Variants in SYT12 observed in about 807,000 individuals in gnomAD.
The protein encoded by SYT12 is synaptotagmin 12, also known as synaptotagmin-12.
In SYT12, 27 loss-of-function variants were observed where a neutral mutation model predicts 39.5. That is an observed-to-expected ratio of 0.68 (90% CI 0.50 to 0.94). SYT12 has a LOEUF of 0.94. Among genes scored for constraint, SYT12 ranks in the 40% least tolerant of loss-of-function variants. SYT12 has a pLI of 0.00. For synonymous variants in SYT12, 233 were observed against 239.7 expected, an observed-to-expected ratio of 0.97 and a Z score of 0.26; for missense variants, 536 against 572.6, an observed-to-expected ratio of 0.94 and a Z score of 0.65.
intron 3 of SYT12, among the ~76,000 whole-genome samples, chr11:67,011,601 T>G (rs1238182965): frequency 6.6e-6 from 1 of 152,120 alleles, no homozygotes; most frequent in Non-Finnish European, 1.5e-5. Flanking sequence ...CATTGCCGGC[T>G]CTTTCCACAC....
chr11:67,038,160 T>C (rs1346729019), intron 3 of SYT12, among the ~76,000 whole-genome samples: 2 of 151,454 alleles, frequency 1.3e-5, no homozygotes, highest in African/African-American at 4.8e-5. Flanking sequence ...TATTTATTTA[T>C]TTATTTATTT....
upstream of SYT12, chr11:67,023,047 C>G (rs1470010161): frequency 6.6e-6 from 1 of 152,264 alleles, no homozygotes; most frequent in Non-Finnish European, 1.5e-5. Flanking sequence ...CCTGTGGGCA[C>G]GTCCCCACCC....
At chr11:67,040,952 G>T (rs1302921786) in intron 4 of SYT12, among the ~76,000 whole-genome samples, 1 of 152,082 alleles carries the variant, frequency 6.6e-6, no homozygotes, top group Non-Finnish European at 1.5e-5. Flanking sequence ...CTAACCAGGA[G>T]TTCAAGGCCA....
Position 67,030,012 on chromosome 11 carries a change from G to C in SYT12, c.-23-110G>C, listed in dbSNP as rs1369785194. On this transcript the variant is annotated intron_variant, in intron 1 of 7. Transcript: ENST00000527043. ...TCCCTTTGGTGGCACTCCCCTTATAGCTGAGTGTAAGCTCTGGATGACAGG... is the reference window on the plus strand; with the variant it reads ...TCCCTTTGGTGGCACTCCCCTTATACCTGAGTGTAAGCTCTGGATGACAGG... 5.5e-6 allele frequency: 5 copies of C among 909,464 alleles called. No homozygotes were observed. The South Asian group carries it at 7.7e-5, about 14-fold the overall frequency. The allele number at this position is 909,464 out of a possible 1,614,324, so 56.3% of individuals were successfully genotyped here.
intron 3 of SYT12, 143 bp from the exon 4 acceptor site, chr11:67,039,668 C>A: frequency 9.8e-7 from 1 of 1,018,294 alleles, no homozygotes; most frequent in Non-Finnish European, 1.4e-6. Flanking sequence ...CAGCGACCTT[C>A]CTAGCTAAGG....
chr11:67,033,470 A>C (rs1950306697), intron 2 of SYT12, among the ~76,000 whole-genome samples: 1 of 152,168 alleles, frequency 6.6e-6, no homozygotes, highest in East Asian at 1.9e-4. Flanking sequence ...ATGGATGTGC[A>C]GTGATCAATC....
rs1854670418 is a variant in SYT12, at chr11:67,049,044, G to A, written c.*287G>A. 1 of 334,874 alleles carries A rather than the reference G, an allele frequency of 3.0e-6. No homozygotes were observed. The highest frequency in any genetic ancestry group is 5.6e-6 in the Non-Finnish European group (1 of 178,788). The allele number at this position is 334,874 out of a possible 1,614,324, so 20.7% of individuals were successfully genotyped here. A position where few individuals can be genotyped will look rare whatever the true frequency, so the allele number is the denominator to read the frequency against. On this transcript the variant is annotated 3_prime_UTR_variant, in exon 8 of 8. Coordinates refer to ENST00000527043, the MANE Select transcript of SYT12 (RefSeq NM_177963.4). ...TAGGCCAGCTGCCGAGCTGGGCTAT[G>A]TTCTGGAACCCAGTGAATCTTGGGG... is the stretch of plus-strand genomic sequence containing the variant.
upstream of SYT12, among the ~76,000 whole-genome samples, chr11:67,021,647 G>A (rs1234310638): frequency 6.6e-6 from 1 of 152,116 alleles, no homozygotes; most frequent in Non-Finnish European, 1.5e-5. Context: ...ATGCCCTGAT[G>A]ATGTGTCTGA....
chr11:67,023,067 C>A (rs1950129822), upstream of SYT12: 1 of 152,298 alleles, frequency 6.6e-6, no homozygotes. Flanking sequence ...CACCCCTGTC[C>A]CCAGGCGTGG....
At chr11:67,032,125 T>C (rs545923371) in intron 2 of SYT12, 19 of 152,404 alleles carry the variant, frequency 1.2e-4, no homozygotes, top group African/African-American at 3.8e-4. Flanking sequence ...GCGTGACTTT[T>C]GCGCACGTCA....
chr11:67,029,887 C>G, intron 1 of SYT12: 1 of 472,462 alleles, frequency 2.1e-6, no homozygotes, highest in Non-Finnish European at 3.7e-6. Context: ...ATCTGAAATT[C>G]ACATGCCACT....
intron 3 of SYT12, among the ~76,000 whole-genome samples, chr11:67,017,106 C>T (rs535476715): frequency 6.6e-5 from 10 of 152,284 alleles, no homozygotes; most frequent in African/African-American, 1.2e-4. Context: ...GTGAGAACAG[C>T]TTCATCCCCA....
At chr11:67,033,016 ACT>A (rs1450298584) in intron 2 of SYT12, 2 of 152,596 alleles carry the variant, frequency 1.3e-5, no homozygotes, top group Non-Finnish European at 2.9e-5. Flanking sequence ...AGTGCTGTGG[ACT>A]CTGGCCAAAG....
chr11:67,020,755 C>G (rs552052105), upstream of SYT12, among the ~76,000 whole-genome samples: 1 of 151,998 alleles, frequency 6.6e-6, no homozygotes, highest in East Asian at 1.9e-4. Flanking sequence ...TTTTTTTAGA[C>G]GGAGTCTCTG....
chr11:67,030,308 A>G, intron 2 of SYT12, 130 bp downstream of exon 2: 1 of 1,114,914 alleles, frequency 9.0e-7, no homozygotes, highest in Non-Finnish European at 1.3e-6. Flanking sequence ...AAGGACAGTC[A>G]GTGACTTGCC....
At chr11:67,019,082 G>T (rs1322504598), upstream of SYT12, among the ~76,000 whole-genome samples, 1 of 152,200 alleles carries the variant, frequency 6.6e-6, no homozygotes, top group East Asian at 1.9e-4. Flanking sequence ...CTCATGACTG[G>T]GGAGGCTTCA....
chr11:67,040,533 G>C (rs935980641), intron 4 of SYT12, among the ~76,000 whole-genome samples: 2 of 152,174 alleles, frequency 1.3e-5, no homozygotes, highest in Non-Finnish European at 2.9e-5. Flanking sequence ...AGGCTAATTT[G>C]GGGAGGGCTT....
chr11:67,010,799 A>G (rs570751818), intron 2 of SYT12: 2 of 152,154 alleles, frequency 1.3e-5, no homozygotes, highest in Admixed American at 6.5e-5. Flanking sequence ...TGGTGCCCAC[A>G]CCTTTTTTTG....
chr11:67,020,963 A>G (rs538547515), upstream of SYT12, among the ~76,000 whole-genome samples: 1 of 152,300 alleles, frequency 6.6e-6, no homozygotes, highest in Admixed American at 6.5e-5. Flanking sequence ...TCCTGAGCTC[A>G]GGCAATCTAC....
Sources: gnomAD v4.1 joint callset for allele counts (sites outside exome capture counted in the v4.1 genomes callset) on GRCh38, gnomAD v4.1.1 for gene constraint, MANE v1.5 for transcripts, NCBI Gene and HGNC (gene_info 2026-07-23, HGNC 2026-07-21) for gene names.